Variants in CACNA2D3 observed in about 807,000 individuals in gnomAD.
CACNA2D3 encodes voltage-dependent calcium channel subunit alpha-2/delta-3.
Under a neutral mutation model 160.6 loss-of-function variants are expected in CACNA2D3, and 60 were observed. The observed-to-expected ratio is 0.37, with a 90% CI of 0.30 to 0.46. The LOEUF (loss-of-function observed/expected upper bound fraction) is 0.46, where lower values mean the gene tolerates loss of function less well. Ranked by LOEUF, CACNA2D3 falls within the 20% of genes least tolerant of loss-of-function variation. The probability of loss-of-function intolerance (pLI) is 1.00; values close to 1 mark genes in which losing one functional copy is unlikely to be tolerated. For synonymous variants in CACNA2D3, 558 were observed against 492.9 expected (o/e 1.13, Z -1.75); for missense variants, 1,205 against 1,365.0 (o/e 0.88, Z 1.85).
chr3:55,035,545 T>C (rs1012813120), intron 35 of CACNA2D3, among the ~76,000 whole-genome samples: 3 of 152,206 alleles, frequency 2.0e-5, no homozygotes, highest in Admixed American at 2.0e-4. Context: ...TGTTCCAGAA[T>C]GCGTATTTCA....
intron 34 of CACNA2D3, among the ~76,000 whole-genome samples, chr3:55,017,657 C>T (rs1157051522): frequency 6.6e-6 from 1 of 152,184 alleles, no homozygotes; most frequent in Non-Finnish European, 1.5e-5. Context: ...ACTATGTGCT[C>T]ATCCACATAC....
intron 6 of CACNA2D3, among the ~76,000 whole-genome samples, chr3:54,568,323 A>G (rs1223972567): frequency 6.6e-6 from 1 of 152,244 alleles, no homozygotes; most frequent in African/African-American, 2.4e-5. Context: ...TCAGTTTTAC[A>G]TAGGGATTTA....
At chr3:54,529,648 C>G (rs554150847) in intron 5 of CACNA2D3, among the ~76,000 whole-genome samples, 1 of 152,032 alleles carries the variant, frequency 6.6e-6, no homozygotes, top group Non-Finnish European at 1.5e-5. Flanking sequence ...GTGGACTGCT[C>G]GGAGGCTGGC....
chr3:54,537,418 G>T (rs1424652335), intron 5 of CACNA2D3, among the ~76,000 whole-genome samples: 1 of 152,070 alleles, frequency 6.6e-6, no homozygotes, highest in African/African-American at 2.4e-5. Flanking sequence ...TGAAATGGGG[G>T]TGTAATAGCA....
chr3:54,794,752 G>A lies in CACNA2D3; in HGVS notation c.1381-22101G>A, dbSNP rs1032551192. 5.3e-5 allele frequency among the ~76,000 whole-genome samples: 8 copies of A among 151,724 alleles called. No individual in the cohort carries two copies. The South Asian group carries it at 1.2e-3, about 24-fold the overall frequency. On this transcript the variant is annotated intron_variant, in intron 13 of 37. Coordinates refer to ENST00000474759, the MANE Select transcript of CACNA2D3 (RefSeq NM_018398.3). ...GGGTCATTTGGCTTGTATTCTTTTTGACGGGAAGTCACTGATAATTCTTAC... is the reference window on the plus strand; with the variant it reads ...GGGTCATTTGGCTTGTATTCTTTTTAACGGGAAGTCACTGATAATTCTTAC...
At chr3:54,128,143 A>G (rs539257511) in intron 2 of CACNA2D3, among the ~76,000 whole-genome samples, 37 of 152,272 alleles carry the variant, frequency 2.4e-4, no homozygotes, top group African/African-American at 8.7e-4. Flanking sequence ...ATTGATTAGC[A>G]TGGTGATCGC....
chr3:54,996,581 C>G (rs1480299716), intron 31 of CACNA2D3, among the ~76,000 whole-genome samples: 1 of 152,182 alleles, frequency 6.6e-6, no homozygotes, highest in Non-Finnish European at 1.5e-5. Flanking sequence ...AGGACCCTCT[C>G]TTCTTGGCTC....
intron 16 of CACNA2D3, among the ~76,000 whole-genome samples, chr3:54,840,818 G>A (rs1698803455): frequency 6.6e-6 from 1 of 150,406 alleles, no homozygotes; most frequent in Admixed American, 6.6e-5. Flanking sequence ...CACCTCCTGG[G>A]TTCACGCCAT....
chr3:54,159,615 G>A (rs1333562810), intron 2 of CACNA2D3, among the ~76,000 whole-genome samples: 1 of 152,136 alleles, frequency 6.6e-6, no homozygotes, highest in African/African-American at 2.4e-5. Context: ...AAGCAATTAT[G>A]ACAGAATCAT....
intron 27 of CACNA2D3, 134 bp downstream of exon 27, chr3:54,900,002 T>G: frequency 3.1e-6 from 2 of 651,872 alleles, no homozygotes; most frequent in South Asian, 1.9e-5. Flanking sequence ...AATTACTTCC[T>G]TCTCAGCTTG....
chr3:54,577,527 G>A (rs1441321393), intron 8 of CACNA2D3, among the ~76,000 whole-genome samples: 5 of 152,288 alleles, frequency 3.3e-5, no homozygotes, highest in Admixed American at 1.3e-4. Context: ...TCACTTTGCC[G>A]TCACTGACAT....
intron 11 of CACNA2D3, among the ~76,000 whole-genome samples, chr3:54,740,055 G>C (rs1278549709): frequency 2.0e-5 from 3 of 151,928 alleles, no homozygotes; most frequent in Non-Finnish European, 2.9e-5. Context: ...TGGGAGGGTG[G>C]ATGGATGGGA....
intron 5 of CACNA2D3, among the ~76,000 whole-genome samples, chr3:54,535,617 A>G (rs990743912): frequency 2.0e-5 from 3 of 152,232 alleles, no homozygotes; most frequent in African/African-American, 7.2e-5. Context: ...TACATTTCCA[A>G]TAATGGCTGT....
intron 1 of CACNA2D3, 138 bp downstream of exon 1, chr3:54,122,973 G>C (rs1280230322): frequency 5.5e-5 from 45 of 820,824 alleles, no homozygotes; most frequent in Non-Finnish European, 7.2e-5. Context: ...CCTGCCTTTC[G>C]GGACCCGCGT....
chr3:54,878,983 G>A (rs1169211258), intron 18 of CACNA2D3, 35 bp from the exon 19 acceptor site: 3 of 1,377,056 alleles, frequency 2.2e-6, no homozygotes, highest in Admixed American at 2.0e-5. Context: ...GATAACCCAG[G>A]GAAGAACTAA....
At chr3:54,181,112 T>TC (rs1197871796) in intron 2 of CACNA2D3, among the ~76,000 whole-genome samples, 1 of 152,198 alleles carries the variant, frequency 6.6e-6, no homozygotes, top group Non-Finnish European at 1.5e-5. Context: ...CTGAGAGTAT[T>TC]CACCCTTCAC....
intron 13 of CACNA2D3, among the ~76,000 whole-genome samples, chr3:54,802,535 G>C (rs968594970): frequency 2.6e-5 from 4 of 152,092 alleles, no homozygotes; most frequent in African/African-American, 9.7e-5. Context: ...CCCTTTATTT[G>C]TACAAATAAA....
chr3:54,324,303 T>C (rs1319896583), intron 3 of CACNA2D3, among the ~76,000 whole-genome samples: 2 of 152,196 alleles, frequency 1.3e-5, no homozygotes, highest in African/African-American at 4.8e-5. Context: ...TACTCTCCAC[T>C]ATGCAATTAT....
At chr3:54,244,981 A>G (rs1332995325) in intron 2 of CACNA2D3, among the ~76,000 whole-genome samples, 1 of 152,246 alleles carries the variant, frequency 6.6e-6, no homozygotes, top group Non-Finnish European at 1.5e-5. Flanking sequence ...AGAAAAATTT[A>G]GATGACATTT....
Sources: gnomAD v4.1 joint callset for allele counts (sites outside exome capture counted in the v4.1 genomes callset) on GRCh38, gnomAD v4.1.1 for gene constraint, MANE v1.5 for transcripts, NCBI Gene and HGNC (gene_info 2026-07-23, HGNC 2026-07-21) for gene names.